AGBL1: variants seen among roughly 807,000 people sequenced by gnomAD.
AGBL1 encodes the protein cytosolic carboxypeptidase 4.
In AGBL1, 130 loss-of-function variants were observed where a neutral mutation model predicts 118.9. The ratio of observed to expected loss-of-function variants is 1.09; its 90% CI spans 0.95 to 1.26. AGBL1 has a LOEUF of 1.26. AGBL1 is among the 50% of genes most tolerant of loss of function. AGBL1 has a pLI of 0.00. For missense variants in AGBL1, 1,584 were observed against 1,298.1 expected (o/e 1.22, Z -3.38); for synonymous variants, 555 against 478.9 (o/e 1.16, Z -2.08).
intron 22 of AGBL1, among the ~76,000 whole-genome samples, chr15:86,713,651 C>T (rs1394157634): frequency 6.6e-6 from 1 of 152,108 alleles, no homozygotes; most frequent in Non-Finnish European, 1.5e-5. Context: ...CAATACTCTT[C>T]AAAGTGTTTC....
chr15:86,749,394 C>T (rs2077811747), intron 22 of AGBL1, among the ~76,000 whole-genome samples: 1 of 152,076 alleles, frequency 6.6e-6, no homozygotes, highest in South Asian at 2.1e-4. Context: ...TGCTTATCAG[C>T]TTAAGGAGAT....
chr15:87,030,545 G>A (rs921181663), downstream of AGBL1, among the ~76,000 whole-genome samples: 4 of 151,924 alleles, frequency 2.6e-5, no homozygotes, highest in African/African-American at 4.8e-5. Context: ...TAATCAAAGT[G>A]AGTTTTGCCA....
At chr15:87,008,709 T>A (rs769925074) in intron 24 of AGBL1, among the ~76,000 whole-genome samples, 1 of 152,138 alleles carries the variant, frequency 6.6e-6, no homozygotes, top group African/African-American at 2.4e-5. Context: ...CAAAATGATA[T>A]GGACAATGAA....
At chr15:86,837,064 C>A (rs895908373) in intron 22 of AGBL1, among the ~76,000 whole-genome samples, 1 of 152,148 alleles carries the variant, frequency 6.6e-6, no homozygotes, top group South Asian at 2.1e-4. Flanking sequence ...ACACACACTC[C>A]TTTCCCCAAA....
At chr15:86,948,135 G>GGCA (rs2080844772) in intron 23 of AGBL1, among the ~76,000 whole-genome samples, 1 of 152,136 alleles carries the variant, frequency 6.6e-6, no homozygotes, top group Admixed American at 6.6e-5. Context: ...AGCATGTGCA[G>GGCA]TGACACTGAG....
intron 5 of AGBL1, among the ~76,000 whole-genome samples, chr15:86,223,013 GA>G (rs2078303530): frequency 6.6e-6 from 1 of 152,152 alleles, no homozygotes; most frequent in African/African-American, 2.4e-5. Context: ...CTGGCTTTCA[GA>G]AAATGTGAGG....
At chr15:86,415,104 A>G (rs2081673240) in intron 18 of AGBL1, among the ~76,000 whole-genome samples, 1 of 152,172 alleles carries the variant, frequency 6.6e-6, no homozygotes, top group South Asian at 2.1e-4. Flanking sequence ...GGGTACCACT[A>G]ACTGCTGGGA....
intron 18 of AGBL1, among the ~76,000 whole-genome samples, chr15:86,458,039 C>G (rs377158325): frequency 1.3e-5 from 2 of 149,088 alleles, no homozygotes; most frequent in South Asian, 4.3e-4. Context: ...TCCTACTTTC[C>G]TTTTTGGAAG....
At chr15:86,527,717 G>A (rs559605250) in intron 19 of AGBL1, among the ~76,000 whole-genome samples, 1 of 152,322 alleles carries the variant, frequency 6.6e-6, no homozygotes, top group Non-Finnish European at 1.5e-5. Flanking sequence ...ACCGGTTCTA[G>A]ATACTATTCA....
intron 24 of AGBL1, among the ~76,000 whole-genome samples, chr15:87,013,593 G>C (rs1405224752): frequency 3.3e-5 from 5 of 151,922 alleles, no homozygotes; most frequent in Non-Finnish European, 7.4e-5. Flanking sequence ...AAGTAGGAAG[G>C]GTTCCAAGAC....
rs1013928691 is a variant in AGBL1 at position 86,607,279 on chromosome 15, G to A, written c.2994+52742G>A. Among the ~76,000 whole-genome samples, 4 of 152,186 alleles carry A rather than the reference G, an allele frequency of 2.6e-5. 1 individual carries two copies. The highest frequency in any genetic ancestry group is 9.7e-5 in the African/African-American group (4 of 41,450). ...AATCAGGTGCATCTGGGGATTGGAAGCCAATTGGGGTTTCTATTTCAAGCC... is the reference window on the plus strand; with the variant it reads ...AATCAGGTGCATCTGGGGATTGGAAACCAATTGGGGTTTCTATTTCAAGCC... On this transcript the variant is annotated intron_variant, in intron 21 of 22. Transcript: ENST00000614907.
chr15:86,718,115 A>G (rs2086664682), intron 22 of AGBL1, among the ~76,000 whole-genome samples: 1 of 152,130 alleles, frequency 6.6e-6, no homozygotes, highest in South Asian at 2.1e-4. Flanking sequence ...AACAGGAGAA[A>G]AAATATTATT....
intron 17 of AGBL1, among the ~76,000 whole-genome samples, chr15:86,364,447 T>A (rs1050033335): frequency 3.3e-5 from 5 of 152,184 alleles, no homozygotes; most frequent in African/African-American, 1.2e-4. Context: ...ACCATTTTGG[T>A]GTTTTATTGG....
downstream of AGBL1, among the ~76,000 whole-genome samples, chr15:86,919,834 G>A (rs1434609272): frequency 6.6e-6 from 1 of 152,180 alleles, no homozygotes; most frequent in African/African-American, 2.4e-5. Flanking sequence ...TGTCCAGCCT[G>A]TAAAGCACTC....
intron 7 of AGBL1, among the ~76,000 whole-genome samples, chr15:86,255,097 A>T (rs2078873740): frequency 6.6e-6 from 1 of 152,074 alleles, no homozygotes; most frequent in Non-Finnish European, 1.5e-5. Flanking sequence ...TCACAAACAT[A>T]CCTAGGTTCC....
chr15:86,532,691 G>T (rs1466986882), intron 19 of AGBL1, among the ~76,000 whole-genome samples: 2 of 151,300 alleles, frequency 1.3e-5, no homozygotes, highest in Admixed American at 1.3e-4. Flanking sequence ...GGAGGCATCA[G>T]ACTACCTGAC....
chr15:86,871,093 C>T (rs1171005163), intron 22 of AGBL1, among the ~76,000 whole-genome samples: 1 of 152,162 alleles, frequency 6.6e-6, no homozygotes, highest in African/African-American at 2.4e-5. Flanking sequence ...ACAAACTTAT[C>T]TGAGTGACTT....
At chr15:86,289,285 T>C (rs1021996202) in intron 16 of AGBL1, among the ~76,000 whole-genome samples, 1 of 152,212 alleles carries the variant, frequency 6.6e-6, no homozygotes, top group African/African-American at 2.4e-5. Flanking sequence ...GCCTCACCGC[T>C]GTTGTCTCTT....
At chr15:86,827,937 G>GGTTTTTTTTTTTTTTTTTTTTT (rs71460225) in intron 22 of AGBL1, among the ~76,000 whole-genome samples, 2 of 7,802 alleles carry the variant, frequency 2.6e-4, no homozygotes, top group Non-Finnish European at 2.2e-4. Flanking sequence ...TTGATGTAGG[G>GGTTTTTTTTTTTTTTTTTTTTT]CTTTTTTTTT....
Sources: gnomAD v4.1 joint callset for allele counts (sites outside exome capture counted in the v4.1 genomes callset) on GRCh38, gnomAD v4.1.1 for gene constraint, MANE v1.5 for transcripts, NCBI Gene and HGNC (gene_info 2026-07-23, HGNC 2026-07-21) for gene names.